HEPACAM2: variants seen among roughly 807,000 people sequenced by gnomAD.
HEPACAM2 encodes the protein mitotic kinetics regulator.
HEPACAM2 carries 49 observed loss-of-function variants against 49.6 expected under a neutral mutation model. That is an observed-to-expected ratio of 0.99 (90% CI 0.78 to 1.25). The LOEUF is 1.25. HEPACAM2 is among the 50% of genes most tolerant of loss of function. The pLI is 0.00. For missense variants in HEPACAM2, 525 were observed against 557.2 expected, an observed-to-expected ratio of 0.94 and a Z score of 0.58; for synonymous variants, 197 against 202.9, an observed-to-expected ratio of 0.97 and a Z score of 0.25.
At chr7:93,212,984 G>A (rs902335677) in intron 3 of HEPACAM2, among the ~76,000 whole-genome samples, 1 of 151,994 alleles carries the variant, frequency 6.6e-6, no homozygotes, top group Non-Finnish European at 1.5e-5. Flanking sequence ...CTTGGGGATG[G>A]CTGTTTACTA....
chr7:93,197,021 G>C (rs574542159), intron 7 of HEPACAM2, among the ~76,000 whole-genome samples: 113 of 346 alleles, frequency 0.33, 1 homozygote, highest in Non-Finnish European at 0.32. Flanking sequence ...ATGGAGTTAA[G>C]AGTGCTTCCA....
At chr7:93,228,864 G>GGGGT (rs1794582786), upstream of HEPACAM2, among the ~76,000 whole-genome samples, 4 of 149,630 alleles carry the variant, frequency 2.7e-5, no homozygotes, top group East Asian at 2.0e-4. Context: ...TGTGCAGGAG[G>GGGGT]GTGTGTGTGT....
At chr7:93,223,840 C>A (rs887408310) in intron 1 of HEPACAM2, among the ~76,000 whole-genome samples, 4 of 152,072 alleles carry the variant, frequency 2.6e-5, no homozygotes, top group African/African-American at 9.7e-5. Context: ...GGACATGAAC[C>A]TATCAATATG....
At chr7:93,198,467 C>T (rs748383745) in intron 4 of HEPACAM2, among the ~76,000 whole-genome samples, 1 of 152,044 alleles carries the variant, frequency 6.6e-6, no homozygotes, top group Admixed American at 6.6e-5. Context: ...AATGATGCCT[C>T]CCTTTAATAT....
intron 2 of HEPACAM2, among the ~76,000 whole-genome samples, chr7:93,216,963 A>G (rs1299407105): frequency 6.6e-6 from 1 of 152,210 alleles, no homozygotes; most frequent in Non-Finnish European, 1.5e-5. Context: ...AGAAGATAGA[A>G]GAAAGTGAAA....
chr7:93,207,569 G>A (rs1227324710), intron 4 of HEPACAM2, among the ~76,000 whole-genome samples: 1 of 151,904 alleles, frequency 6.6e-6, no homozygotes, highest in African/African-American at 2.4e-5. Flanking sequence ...TGAGAAATAG[G>A]AAGGAAGGAA....
intron 4 of HEPACAM2, among the ~76,000 whole-genome samples, chr7:93,202,028 AAACC>A (rs1194194000): frequency 5.1e-3 from 163 of 31,894 alleles, no homozygotes; most frequent in African/African-American, 0.024. Context: ...GCAAAAAAAA[AAACC>A]AAAAAAAAAA....
In HEPACAM2 at chr7:93,197,582, T is replaced by C. The variant is rs1014238722; in HGVS notation, c.1041A>G (p.Lys347=). Residue 347 remains lysine (K), a synonymous_variant, in exon 5 of 10, where the codon AAA becomes AAG. Coordinates refer to ENST00000394468, the MANE Select transcript of HEPACAM2 (RefSeq NM_001039372.4). ...VGLEKLAQKG[K]SLSPLASITG... is the part of the protein sequence containing the mutation. ...TTATACTTGCTAAAGGTGACAATGA[T>C]TTTCCTTTCTGTGCAAGCTTCTCCA... 1 of 1,597,356 alleles carries C rather than the reference T, an allele frequency of 6.3e-7. No homozygotes were observed. Among genetic ancestry groups the C allele is most frequent in the Admixed American group, 1.7e-5 (1 of 57,288 alleles).
intron 9 of HEPACAM2, among the ~76,000 whole-genome samples, chr7:93,191,813 C>G (rs948624692): frequency 6.6e-6 from 1 of 152,044 alleles, no homozygotes; most frequent in African/African-American, 2.4e-5. Flanking sequence ...TTGGTGCTGA[C>G]TGTGCTGTGG....
chr7:93,192,062 C>T (rs1166241053), intron 9 of HEPACAM2, among the ~76,000 whole-genome samples, 192 bp downstream of exon 9: 3 of 151,992 alleles, frequency 2.0e-5, no homozygotes, highest in East Asian at 1.9e-4. Context: ...GCATGGCCCT[C>T]GAAGATATTT....
intron 9 of HEPACAM2, 132 bp downstream of exon 9, chr7:93,192,122 T>C: frequency 1.7e-6 from 1 of 577,020 alleles, no homozygotes; most frequent in East Asian, 2.9e-5. Context: ...TGGGGAAGTG[T>C]GTTCAAATGT....
upstream of HEPACAM2, among the ~76,000 whole-genome samples, chr7:93,228,864 G>GGTGT (rs61092223): frequency 0.11 from 16,245 of 149,650 alleles, 1,384 homozygotes; most frequent in African/African-American, 0.24. Flanking sequence ...TGTGCAGGAG[G>GGTGT]GTGTGTGTGT....
rs149504197 is a variant in HEPACAM2 at position 93,225,975 on chromosome 7, T to G, written c.79+393A>C. On this transcript the variant is annotated intron_variant, in intron 1 of 9. Coordinates refer to ENST00000394468, the MANE Select transcript of HEPACAM2 (RefSeq NM_001039372.4). The stretch of plus-strand genomic sequence containing the variant: ...ATCTTTAATTAAAAAGAAAACAATT[T>G]TCGTAAATTATTTGTAGTTTCACTC... The G allele has an allele frequency of 6.9e-4, 803 of 1,168,494 alleles. 2 individuals are homozygous for G. Among genetic ancestry groups the G allele is most frequent in the Middle Eastern group, 2.8e-3 (13 of 4,724 alleles). 72.4% of individuals were successfully genotyped at this position (1,168,494 alleles called of 1,614,324 possible).
chr7:93,192,319 T>C lies in HEPACAM2; in HGVS notation c.1320A>G (p.Gln440=). 6.2e-7 allele frequency: 1 copy of C among 1,612,836 alleles called. No homozygotes were observed. The highest frequency in any genetic ancestry group is 2.2e-5 in the East Asian group (1 of 44,838). Residue 440 remains glutamine, a synonymous_variant, in exon 9 of 10, where the codon CAA becomes CAG. Transcript: ENST00000394468. ...SVPASDCVSG[Q]DLHSTVYEVI... Reference sequence around the variant, plus strand: ...CTTCATACACTGTACTGTGCAAATCTTGCCCCGATACACAATCAGAGGCTG... The same window carrying C: ...CTTCATACACTGTACTGTGCAAATCCTGCCCCGATACACAATCAGAGGCTG...
chr7:93,208,723 G>A lies in HEPACAM2; in HGVS notation c.869C>T (p.Thr290Ile). ...YSWIRRTDNT[T>I]YIIKHGPRLE... ...GCGAGGCCCATGCTTAATGATATAT[G>A]TAGTATTGTCAGTCCTCCTAATCCA... Residue 290 changes from threonine (T) to isoleucine (I), a missense_variant, in exon 4 of 10, where the codon ACA (threonine) becomes ATA (isoleucine). By Grantham distance (89) the Thr-to-Ile change is moderately conservative (BLOSUM62 -1). Coordinates refer to ENST00000394468, the MANE Select transcript of HEPACAM2 (RefSeq NM_001039372.4). 1.2e-6 allele frequency: 2 copies of A among 1,613,210 alleles called. No homozygotes were observed. The highest frequency in any genetic ancestry group is 1.3e-5 in the African/African-American group (1 of 74,974).
intron 7 of HEPACAM2, among the ~76,000 whole-genome samples, chr7:93,196,638 C>G (rs6956577): frequency 6.6e-6 from 1 of 151,880 alleles, no homozygotes; most frequent in Non-Finnish European, 1.5e-5. Context: ...GAGGAAGTTG[C>G]GGTTAAGAAA....
At chr7:93,206,313 A>G (rs1255670470) in intron 4 of HEPACAM2, among the ~76,000 whole-genome samples, 1 of 152,098 alleles carries the variant, frequency 6.6e-6, no homozygotes, top group Non-Finnish European at 1.5e-5. Flanking sequence ...AAAGCAAAGG[A>G]TGTACCTCAG....
At chr7:93,205,130 ATAT>A (rs1325069110) in intron 4 of HEPACAM2, among the ~76,000 whole-genome samples, 1 of 151,486 alleles carries the variant, frequency 6.6e-6, no homozygotes, top group Non-Finnish European at 1.5e-5. Context: ...TTGAATTCAG[ATAT>A]TATTTATCAC....
At chr7:93,196,913 T>C (rs1361521261) in intron 7 of HEPACAM2, among the ~76,000 whole-genome samples, 2 of 152,166 alleles carry the variant, frequency 1.3e-5, no homozygotes, top group African/African-American at 2.4e-5. Flanking sequence ...TTCAAAATAA[T>C]AATAGGATCA....
Sources: gnomAD v4.1 joint callset for allele counts (sites outside exome capture counted in the v4.1 genomes callset) on GRCh38, gnomAD v4.1.1 for gene constraint, MANE v1.5 for transcripts, NCBI Gene and HGNC (gene_info 2026-07-23, HGNC 2026-07-21) for gene names.